The following TPD52 variants were observed in gnomAD, a reference collection of about 807,000 sequenced individuals.
TPD52 encodes prostate and colon associated protein.
TPD52 carries 17 observed loss-of-function variants against 31.3 expected under a neutral mutation model. The ratio of observed to expected loss-of-function variants is 0.54; its 90% confidence interval spans 0.37 to 0.82. TPD52 has a LOEUF of 0.82. Ranked by LOEUF, TPD52 falls within the 40% of genes least tolerant of loss-of-function variation. The probability of loss-of-function intolerance (pLI) is 0.00; values close to 1 mark genes in which losing one functional copy is unlikely to be tolerated. For synonymous variants in TPD52, 83 were observed against 89.6 expected, an observed-to-expected ratio of 0.93 and a Z score of 0.42; for missense variants, 212 against 240.1, an observed-to-expected ratio of 0.88 and a Z score of 0.77.
chr8:80,163,544 G>A (rs116870776), intron 1 of TPD52, among the ~76,000 whole-genome samples: 14 of 152,266 alleles, frequency 9.2e-5, no homozygotes, highest in Non-Finnish European at 1.6e-4. Context: ...TCAGAGATCT[G>A]TTGCACAAGG....
intron 1 of TPD52, among the ~76,000 whole-genome samples, chr8:80,097,832 A>G (rs1806446760): frequency 6.6e-6 from 1 of 152,234 alleles, no homozygotes; most frequent in African/African-American, 2.4e-5. Flanking sequence ...TGCCCTCTAG[A>G]ACTTGCAAAG....
Position 80,127,839 on chromosome 8 carries a change from G to C in TPD52, c.19+43586C>G, listed in dbSNP as rs72686036. Among the ~76,000 whole-genome samples, 98 of 43,504 alleles carry C rather than the reference G, an allele frequency of 2.3e-3. 2 individuals carry two copies. Among genetic ancestry groups the C allele is most frequent in the East Asian group, 9.3e-3 (2 of 216 alleles). 28.5% of individuals were successfully genotyped at this position (43,504 alleles called of 152,430 possible). A position where few individuals can be genotyped will look rare whatever the true frequency, so the allele number is the denominator to read the frequency against. ...ACACACACACACACACACACACACA[G>C]AGATACATAATAAAAAATATAAAGG... is the stretch of plus-strand genomic sequence containing the variant. On this transcript the variant is annotated intron_variant, in intron 1 of 7. Transcript: ENST00000518937.
intron 2 of TPD52, among the ~76,000 whole-genome samples, chr8:80,056,578 T>C (rs1003357470): frequency 2.6e-5 from 4 of 152,072 alleles, no homozygotes; most frequent in African/African-American, 9.7e-5. Context: ...GATATACAAA[T>C]GACCAATAAG....
intron 7 of TPD52, among the ~76,000 whole-genome samples, chr8:80,038,766 G>T (rs949939563): frequency 2.0e-5 from 3 of 152,130 alleles, no homozygotes; most frequent in Non-Finnish European, 4.4e-5. Flanking sequence ...CAGGATCTCA[G>T]ATATCCTTTC....
intron 1 of TPD52, among the ~76,000 whole-genome samples, chr8:80,065,303 C>CTATCTA (rs1554581779): frequency 2.7e-5 from 4 of 147,186 alleles, no homozygotes; most frequent in African/African-American, 5.0e-5. Context: ...ATCTATCTAT[C>CTATCTA]TATATATATA....
At chr8:80,064,025 A>G in intron 2 of TPD52, among the ~76,000 whole-genome samples, 1 of 101,890 alleles carries the variant, frequency 9.8e-6, no homozygotes, top group Non-Finnish European at 1.9e-5. Context: ...GAAGGAAGGG[A>G]GAGAGGGGAG....
chr8:80,064,535 A>G lies in TPD52; in HGVS notation c.78T>C (p.Ser26=). Residue 26 remains serine (S), a synonymous_variant, in exon 2 of 8, where the codon AGT becomes AGC. Transcript: ENST00000518937. The part of the protein sequence containing the change: ...EEGEDVAATI[S]ATETLSEEEQ... ...CCTCTTCCGAGAGGGTCTCTGTGGC[A>G]CTGATCGTGGCAGCAACATCTTCTC... 1 of 1,614,152 alleles carries G rather than the reference A, an allele frequency of 6.2e-7. No homozygotes were observed. Among genetic ancestry groups the G allele is most frequent in the East Asian group, 2.2e-5 (1 of 44,882 alleles).
chr8:80,121,454 CAG>C (rs1808252159), intron 1 of TPD52, among the ~76,000 whole-genome samples: 1 of 152,176 alleles, frequency 6.6e-6, no homozygotes, highest in South Asian at 2.1e-4. Flanking sequence ...AACGAGCTCT[CAG>C]AGAGTTTTAG....
downstream of TPD52, among the ~76,000 whole-genome samples, chr8:80,031,926 G>A (rs1214328461): frequency 6.6e-6 from 1 of 152,118 alleles, no homozygotes; most frequent in Non-Finnish European, 1.5e-5. Flanking sequence ...GCCAAGGAGG[G>A]CAGATCACCT....
chr8:80,136,227 C>T (rs1194611986), intron 1 of TPD52, among the ~76,000 whole-genome samples: 2 of 132,070 alleles, frequency 1.5e-5, no homozygotes, highest in Non-Finnish European at 3.3e-5. Context: ...CAAAAGTTGA[C>T]ATTTAAGAAA....
chr8:80,106,412 A>G (rs567966177), intron 1 of TPD52, among the ~76,000 whole-genome samples: 3 of 152,270 alleles, frequency 2.0e-5, no homozygotes, highest in African/African-American at 7.2e-5. Flanking sequence ...GCTGGAGTGC[A>G]GTGGTGCGAT....
At chr8:80,164,013 TGAGAGAGAGACAGAGAGA>T (rs1319438167) in intron 1 of TPD52, among the ~76,000 whole-genome samples, 4 of 123,572 alleles carry the variant, frequency 3.2e-5, no homozygotes, top group African/African-American at 9.5e-5. Context: ...ATTCTAACTG[TGAGAGAGAGACAGAGAGA>T]GAGAGAGAGA....
At chr8:80,105,082 T>A (rs1807009038) in intron 1 of TPD52, among the ~76,000 whole-genome samples, 3 of 151,704 alleles carry the variant, frequency 2.0e-5, no homozygotes, top group Non-Finnish European at 2.9e-5. Context: ...ATAAGAAAAA[T>A]TTTTTAAAAG....
At chr8:80,159,606 A>G (rs896309476) in intron 1 of TPD52, among the ~76,000 whole-genome samples, 3 of 152,202 alleles carry the variant, frequency 2.0e-5, no homozygotes, top group African/African-American at 4.8e-5. Context: ...TTCATTTGTA[A>G]CGTAGGGATA....
chr8:80,064,526 C>T lies in TPD52; in HGVS notation c.87G>A (p.Glu29=). 1 of 1,614,178 alleles carries T rather than the reference C, an allele frequency of 6.2e-7. No individual in the cohort carries two copies. The highest frequency in any genetic ancestry group is 8.5e-7 in the Non-Finnish European group (1 of 1,180,022). Residue 29 remains glutamate, a synonymous_variant, in exon 2 of 8, where the codon GAG becomes GAA. Coordinates refer to ENST00000518937, the MANE Select transcript of TPD52 (RefSeq NM_001025253.3). ...CTTCCTGCTCCTCTTCCGAGAGGGT[C>T]TCTGTGGCACTGATCGTGGCAGCAA... The part of the protein sequence containing the change: ...EDVAATISAT[E]TLSEEEQEEL...
At chr8:80,134,540 C>A (rs1809253835) in intron 1 of TPD52, among the ~76,000 whole-genome samples, 1 of 152,198 alleles carries the variant, frequency 6.6e-6, no homozygotes, top group Non-Finnish European at 1.5e-5. Flanking sequence ...ATGTTTCTTT[C>A]TAGAGCTGGT....
intron 1 of TPD52, among the ~76,000 whole-genome samples, chr8:80,120,387 G>T (rs1237936604): frequency 1.3e-5 from 2 of 152,058 alleles, no homozygotes; most frequent in African/African-American, 4.8e-5. Flanking sequence ...TACTCAGGAG[G>T]GTGAGGCACG....
At chr8:80,130,537 A>G (rs1808949169) in intron 1 of TPD52, among the ~76,000 whole-genome samples, 1 of 152,216 alleles carries the variant, frequency 6.6e-6, no homozygotes, top group African/African-American at 2.4e-5. Flanking sequence ...CCCTCCACCC[A>G]GAGCACTCTT....
At chr8:80,130,401 T>C (rs1329968361) in intron 1 of TPD52, among the ~76,000 whole-genome samples, 1 of 152,310 alleles carries the variant, frequency 6.6e-6, no homozygotes. Context: ...TACTCCTAAA[T>C]GTAGCAGATT....
Sources: allele counts gnomAD v4.1 joint callset (sites outside exome capture counted in the v4.1 genomes callset), GRCh38; gene constraint gnomAD v4.1.1; transcripts MANE v1.5; gene names NCBI Gene and HGNC (gene_info 2026-07-23, HGNC 2026-07-21).